The following KIF7 variants were observed in gnomAD, a reference collection of about 807,000 sequenced individuals.
The protein encoded by KIF7 is kinesin family member 7, also known as kinesin-like protein KIF7.
KIF7 carries 104 observed loss-of-function variants against 135.7 expected under a neutral mutation model. The ratio of observed to expected loss-of-function variants is 0.77; its 90% CI spans 0.65 to 0.90. The LOEUF (loss-of-function observed/expected upper bound fraction) is 0.90. Ranked by LOEUF, KIF7 falls within the 40% of genes least tolerant of loss-of-function variation. The pLI is 0.00. For synonymous variants in KIF7, 883 were observed against 809.4 expected (o/e 1.09, Z -1.54); for missense variants, 2,005 against 1,839.1 (o/e 1.09, Z -1.65).
chr15:89,629,492 G>C lies in KIF7; in HGVS notation c.3400C>G (p.Leu1134Val). ...AGGGCCACCTCCAGCCAGTACACCA[G>C]CCTCTGCTGCTCCTCCAGCTGCATC... is the stretch of plus-strand genomic sequence containing the variant. ...LEMQLEEQQR[L>V]VYWLEVALER... is the part of the protein sequence containing the mutation. The change falls in exon 17 of 19, where the codon CTG becomes GTG. Residue 1134 changes from leucine (L) to valine (V), a missense_variant. Coordinates refer to ENST00000394412, the MANE Select transcript of KIF7 (RefSeq NM_198525.3). 1 of 1,611,500 alleles carries C rather than the reference G, an allele frequency of 6.2e-7. No homozygotes were observed. The highest frequency in any genetic ancestry group is 8.5e-7 in the Non-Finnish European group (1 of 1,179,996).
At chr15:89,634,366 G>C (rs1036026171) in intron 11 of KIF7, among the ~76,000 whole-genome samples, 2 of 152,228 alleles carry the variant, frequency 1.3e-5, no homozygotes, top group Non-Finnish European at 2.9e-5. Flanking sequence ...ACAGCTCCCA[G>C]CGTGAGTGAC....
chr15:89,633,434 G>A (rs1010367928), intron 12 of KIF7, among the ~76,000 whole-genome samples, 168 bp from the exon 13 acceptor site: 11 of 152,246 alleles, frequency 7.2e-5, no homozygotes, highest in Non-Finnish European at 1.2e-4. Flanking sequence ...GCAAATAGAC[G>A]CAAACACTTA....
intron 7 of KIF7, among the ~76,000 whole-genome samples, chr15:89,646,244 C>T (rs1356771449): frequency 1.3e-5 from 2 of 152,050 alleles, no homozygotes; most frequent in African/African-American, 4.8e-5. Context: ...ACCTGGTACT[C>T]CTCAGGTGAC....
intron 14 of KIF7, among the ~76,000 whole-genome samples, chr15:89,632,590 CTCTG>C (rs899539583): frequency 4.6e-5 from 7 of 152,160 alleles, no homozygotes; most frequent in African/African-American, 1.4e-4. Context: ...ACAGAGCTTC[CTCTG>C]TCTGGAACTT....
chr15:89,656,887 C>T (rs879358620), upstream of KIF7, among the ~76,000 whole-genome samples: 4 of 152,074 alleles, frequency 2.6e-5, no homozygotes, highest in South Asian at 4.2e-4. Context: ...AGCCTGCCGC[C>T]GTGATGCCCA....
chr15:89,657,331 AG>A (rs1964218225), upstream of KIF7, among the ~76,000 whole-genome samples: 10 of 142,840 alleles, frequency 7.0e-5, no homozygotes, highest in East Asian at 1.1e-3. Context: ...AAAAAAAAAG[AG>A]AGAGAGACAG....
Position 89,645,096 on chromosome 15 carries a change from A to C in KIF7, c.2108T>G (p.Leu703Arg). The change falls in exon 10 of 19, where the codon CTG becomes CGG. Residue 703 changes from leucine (L) to arginine (R), a missense_variant. Coordinates refer to ENST00000394412, the MANE Select transcript of KIF7 (RefSeq NM_198525.3). ...VPPATASEWR[L>R]AQAQQKIREL... The stretch of plus-strand genomic sequence containing the variant: ...CCGGATCTTCTGCTGGGCCTGGGCC[A>C]GCCGCCACTCTGAGGCTGTGGCAGG... 1 of 1,602,900 alleles carries C rather than the reference A, an allele frequency of 6.2e-7. No homozygotes were observed. Among genetic ancestry groups the C allele is most frequent in the Non-Finnish European group, 8.5e-7 (1 of 1,179,812 alleles).
intron 11 of KIF7, among the ~76,000 whole-genome samples, chr15:89,636,826 G>A (rs1408490105): frequency 1.3e-5 from 2 of 148,212 alleles, no homozygotes; most frequent in Non-Finnish European, 3.0e-5. Context: ...GCACCAAGCG[G>A]ACCTAATAGA....
intron 11 of KIF7, among the ~76,000 whole-genome samples, chr15:89,635,802 A>G (rs542816007): frequency 2.6e-4 from 39 of 152,338 alleles, no homozygotes; most frequent in Middle Eastern, 3.4e-3. Flanking sequence ...GCAGGCCAAC[A>G]TTCAGATTCA....
chr15:89,620,865 G>T (rs1228943545), intron 1 of KIF7, among the ~76,000 whole-genome samples: 1 of 151,858 alleles, frequency 6.6e-6, no homozygotes, highest in African/African-American at 2.4e-5. Flanking sequence ...TGGGACTACA[G>T]GCGCCCGCCA....
rs1254624184 is a variant in KIF7, at chr15:89,645,921, G to A, written c.1894C>T (p.Pro632Ser). 6.2e-7 allele frequency: 1 copy of A among 1,613,492 alleles called. No homozygotes were observed. Among genetic ancestry groups the A allele is most frequent in the South Asian group, 1.1e-5 (1 of 91,088 alleles). Reference sequence around the variant, plus strand: ...CGCAGGTGTAAGGTCCGCCTGGGCGGCTCCTCCTCCTCCTCTTCCTCCTCT... The same window carrying A: ...CGCAGGTGTAAGGTCCGCCTGGGCGACTCCTCCTCCTCCTCTTCCTCCTCT... ...ASEEEEEEEEPPRRTLHLRRN... is the reference protein window; with the variant it reads ...ASEEEEEEEESPRRTLHLRRN... Residue 632 changes from proline (P) to serine (S), a missense_variant, in exon 8 of 19, where the codon CCG becomes TCG. Transcript: ENST00000394412.
chr15:89,659,709 C>T (rs78089322), upstream of KIF7, among the ~76,000 whole-genome samples: 497 of 152,300 alleles, frequency 3.3e-3, 1 homozygote, highest in African/African-American at 0.011. Context: ...ATATCAAGTG[C>T]TGATGAGGAT....
At chr15:89,624,473 C>A (rs779123562), downstream of KIF7, 3 of 1,614,178 alleles carry the variant, frequency 1.9e-6, no homozygotes, top group Non-Finnish European at 2.5e-6. Context: ...TGTAGAAAGA[C>A]CTCTGATCCC....
chr15:89,645,269 G>A (rs1963991844), intron 9 of KIF7, 67 bp downstream of exon 9: 2 of 1,600,422 alleles, frequency 1.2e-6, no homozygotes, highest in Admixed American at 1.7e-5. Context: ...ACTGTCCCAA[G>A]GTGGCTGGCC....
In KIF7 at chr15:89,648,550, C is replaced by T; in HGVS notation, c.1148G>A (p.Arg383His). ...GGCGCGCCGGCCGCGGTGGATGATG[C>T]GGGTCTCGGAGCGGTGCCGTGGCGG... is the stretch of plus-strand genomic sequence containing the variant. The part of the protein sequence containing the change: ...RGPPRHRSET[R>H]IIHRGRRAPG... The change falls in exon 5 of 19, where the codon CGC (arginine) becomes CAC (histidine). Residue 383 changes from arginine (R) to histidine (H), a missense_variant. Transcript: ENST00000394412. 6 of 1,364,428 alleles carry T rather than the reference C, an allele frequency of 4.4e-6. No individual in the cohort carries two copies. The African/African-American group carries it at 6.3e-5, about 14-fold the overall frequency. The allele number at this position is 1,364,428 out of a possible 1,614,324, so 84.5% of individuals were successfully genotyped here.
chr15:89,644,955 G>A, intron 10 of KIF7, 58 bp downstream of exon 10: 2 of 1,596,722 alleles, frequency 1.3e-6, no homozygotes, highest in Admixed American at 3.3e-5. Context: ...GAACAGTGCA[G>A]AAGTAACGAT....
chr15:89,648,681 G>C lies in KIF7; in HGVS notation c.1017C>G (p.Thr339=). Reference sequence around the variant, plus strand: ...TCTGGGCGCGGCTGGCGTAGTTGAGGGTGTTGAGGGTCTCGTCGAAGTCGG... The same window carrying C: ...TCTGGGCGCGGCTGGCGTAGTTGAGCGTGTTGAGGGTCTCGTCGAAGTCGG... The part of the protein sequence containing the change: ...SSSDFDETLN[T]LNYASRAQNI... The change falls in exon 5 of 19, where the codon ACC becomes ACG. Residue 339 remains threonine, a synonymous_variant. Coordinates refer to ENST00000394412, the MANE Select transcript of KIF7 (RefSeq NM_198525.3). The C allele has an allele frequency of 1.3e-6, 2 of 1,535,966 alleles. No homozygotes were observed. The highest frequency in any genetic ancestry group is 2.4e-5 in the South Asian group (2 of 84,052).
At chr15:89,627,146 G>C (rs1963546582), downstream of KIF7, 3 of 1,598,372 alleles carry the variant, frequency 1.9e-6, no homozygotes, top group Admixed American at 1.7e-5. Context: ...TGGACATAAA[G>C]AAGTTGGATG....
intron 14 of KIF7, 77 bp from the exon 15 acceptor site, chr15:89,631,787 AAGG>A (rs1963684812): frequency 3.9e-6 from 5 of 1,293,884 alleles, no homozygotes; most frequent in Non-Finnish European, 4.3e-6. Context: ...GCCGGATGTT[AAGG>A]AGGACTTGCG....
Sources: allele counts gnomAD v4.1 joint callset (sites outside exome capture counted in the v4.1 genomes callset), GRCh38; gene constraint gnomAD v4.1.1; transcripts MANE v1.5; gene names NCBI Gene and HGNC (gene_info 2026-07-23, HGNC 2026-07-21).